FRY: variants seen among roughly 807,000 people sequenced by gnomAD.
The protein encoded by FRY is FRY microtubule binding protein, also known as protein furry homolog.
Under a neutral mutation model 348.4 loss-of-function variants are expected in FRY, and 128 were observed. The ratio of observed to expected loss-of-function variants is 0.37; its 90% CI spans 0.32 to 0.43. The LOEUF is 0.43. FRY is among the 20% of genes least tolerant of loss of function. FRY has a pLI of 1.00. For synonymous variants in FRY, 1,370 were observed against 1,374.7 expected (o/e 1.00, Z 0.08); for missense variants, 2,736 against 3,695.2 (o/e 0.74, Z 6.73).
intron 33 of FRY, 92 bp downstream of exon 33, chr13:32,209,823 A>C (rs1271950743): frequency 7.8e-7 from 1 of 1,274,780 alleles, no homozygotes; most frequent in Non-Finnish European, 1.1e-6. Context: ...GCTCCAGCTA[A>C]AATAGAAATG....
intron 1 of FRY, among the ~76,000 whole-genome samples, chr13:32,078,507 C>CTG (rs1415275568): frequency 5.3e-5 from 8 of 152,262 alleles, no homozygotes; most frequent in African/African-American, 1.4e-4. Flanking sequence ...CTAAATGGGA[C>CTG]TGCTGTTTCC....
At position 32,237,796 on chromosome 13, in the gene FRY, C is replaced by A. The variant is rs753034597; in HGVS notation, c.6228C>A (p.Leu2076=). Residue 2076 remains leucine, a synonymous_variant, in exon 44 of 61, where the codon CTC becomes CTA. Coordinates refer to ENST00000542859, the MANE Select transcript of FRY (RefSeq NM_023037.3). The surrounding 1 kb of genome is among the most constrained non-coding windows in gnomAD (Gnocchi z 6.3). ...GCAGACTACTGGCACATATGCCACT[C>A]GATAAGGCTGAGAACCGAGAAAAGC... is the stretch of plus-strand genomic sequence containing the variant. The part of the protein sequence containing the change: ...LLSRLLAHMP[L]DKAENREKLE... 5.6e-6 allele frequency: 9 copies of A among 1,614,142 alleles called. No homozygotes were observed. In the South Asian group the frequency reaches 8.8e-5, roughly 16 times the overall value.
chr13:32,099,630 T>C (rs1877017481), intron 2 of FRY, among the ~76,000 whole-genome samples: 2 of 152,088 alleles, frequency 1.3e-5, no homozygotes, highest in South Asian at 4.1e-4. Flanking sequence ...TTACTTACAA[T>C]AGATACTTCA....
intron 47 of FRY, among the ~76,000 whole-genome samples, chr13:32,246,365 T>C (rs1188390755): frequency 6.6e-6 from 1 of 152,240 alleles, no homozygotes; most frequent in East Asian, 1.9e-4. Context: ...GATTGGAGGT[T>C]GTCAGAGAAA....
intron 36 of FRY, among the ~76,000 whole-genome samples, chr13:32,220,129 A>C (rs1885240086): frequency 6.6e-6 from 1 of 152,218 alleles, no homozygotes; most frequent in Admixed American, 6.5e-5. Flanking sequence ...CAGAAATTGT[A>C]AATATACTGA....
At chr13:32,122,162 G>A (rs1593637084) in intron 4 of FRY, among the ~76,000 whole-genome samples, 1 of 152,136 alleles carries the variant, frequency 6.6e-6, no homozygotes, top group South Asian at 2.1e-4. Context: ...GCATTAGACA[G>A]GCCGGGCGCA....
At chr13:32,114,073 C>T (rs758419616) in intron 3 of FRY, among the ~76,000 whole-genome samples, 5 of 152,180 alleles carry the variant, frequency 3.3e-5, no homozygotes, top group Non-Finnish European at 5.9e-5. Flanking sequence ...GTTCCACATA[C>T]ATGAGGTAGC....
intron 58 of FRY, among the ~76,000 whole-genome samples, chr13:32,282,594 A>G (rs1888863360): frequency 6.6e-6 from 1 of 152,186 alleles, no homozygotes; most frequent in Non-Finnish European, 1.5e-5. Context: ...TGCCAGTAGA[A>G]AATTCCTAAT....
chr13:32,069,739 G>T (rs1347808613), intron 1 of FRY, among the ~76,000 whole-genome samples: 2 of 152,150 alleles, frequency 1.3e-5, no homozygotes, highest in Non-Finnish European at 2.9e-5. Flanking sequence ...TATACTTTAA[G>T]TTCTAGGGTA....
intron 24 of FRY, 97 bp downstream of exon 24, chr13:32,183,131 CT>C (rs895205442): frequency 5.8e-6 from 4 of 689,758 alleles, no homozygotes; most frequent in African/African-American, 1.8e-5. Flanking sequence ...ATACAAACCC[CT>C]AACACCTTTT....
intron 16 of FRY, among the ~76,000 whole-genome samples, chr13:32,158,665 C>A (rs1881255056): frequency 6.6e-6 from 1 of 152,100 alleles, no homozygotes; most frequent in Admixed American, 6.5e-5. Context: ...CACCTGTAAT[C>A]CCAGCACTTT....
rs750088223 is a variant in FRY, at chr13:32,089,579, G to A, written c.270+10546G>A. ...GGAGTTTGAGACCAGCCTGTGCAACGTGGTGAGACCCCCCATCTCTATCTA... is the reference window on the plus strand; with the variant it reads ...GGAGTTTGAGACCAGCCTGTGCAACATGGTGAGACCCCCCATCTCTATCTA... On this transcript the variant is annotated intron_variant, in intron 2 of 60. Coordinates refer to ENST00000542859, the MANE Select transcript of FRY (RefSeq NM_023037.3). 3.9e-4 allele frequency among the ~76,000 whole-genome samples: 59 copies of A among 151,948 alleles called. 2 individuals carry two copies. Among genetic ancestry groups the A allele is most frequent in the Non-Finnish European group, 1.5e-4 (10 of 67,982 alleles).
chr13:32,166,939 A>G (rs1881774431), intron 17 of FRY, among the ~76,000 whole-genome samples: 1 of 152,094 alleles, frequency 6.6e-6, no homozygotes, highest in Admixed American at 6.6e-5. Flanking sequence ...GCATGTAAAC[A>G]CTGTCATTTT....
intron 51 of FRY, 170 bp from the exon 52 acceptor site, chr13:32,261,446 C>T: frequency 2.6e-6 from 2 of 769,456 alleles, no homozygotes; most frequent in South Asian, 2.7e-5. Flanking sequence ...AAATAGTGTG[C>T]TTTTACTACT....
chr13:32,225,341 A>G (rs770909325), intron 38 of FRY, among the ~76,000 whole-genome samples: 5 of 152,228 alleles, frequency 3.3e-5, no homozygotes, highest in African/African-American at 7.2e-5. Flanking sequence ...ATTTTAAGCT[A>G]TGAGGCATAG....
At chr13:32,069,331 A>C (rs543558181) in intron 1 of FRY, among the ~76,000 whole-genome samples, 5 of 152,198 alleles carry the variant, frequency 3.3e-5, no homozygotes, top group Non-Finnish European at 7.3e-5. Context: ...TCATGGCCTA[A>C]GGATATATTA....
chr13:32,249,526 A>G lies in FRY; in HGVS notation c.7009A>G (p.Thr2337Ala). 1.9e-6 allele frequency: 3 copies of G among 1,614,034 alleles called. No individual in the cohort carries two copies. Among genetic ancestry groups the G allele is most frequent in the Non-Finnish European group, 2.5e-6 (3 of 1,180,002 alleles). The change falls in exon 49 of 61, where the codon ACT becomes GCT. Residue 2337 changes from threonine (T) to alanine (A), a missense_variant and splice_region_variant. Thr to Ala is a moderately conservative substitution (Grantham distance 58). Coordinates refer to ENST00000542859, the MANE Select transcript of FRY (RefSeq NM_023037.3). ...TLDFHFDISE[T>A]PIIGRRYDEL... Reference sequence around the variant, plus strand: ...AATGTGCGTTTGTCTTCTTCTCAAGACTCCAATCATCGGGAGGCGGTATGA... The same window carrying G: ...AATGTGCGTTTGTCTTCTTCTCAAGGCTCCAATCATCGGGAGGCGGTATGA...
At chr13:32,179,092 T>A in intron 22 of FRY, 59 bp downstream of exon 22, 1 of 1,381,360 alleles carries the variant, frequency 7.2e-7, no homozygotes, top group Non-Finnish European at 1.0e-6. Context: ...CTTGTTTGTC[T>A]AGAGTTCACA....
chr13:32,135,280 T>C (rs1879638378), intron 10 of FRY, 97 bp downstream of exon 10: 4 of 778,454 alleles, frequency 5.1e-6, no homozygotes, highest in Non-Finnish European at 9.0e-6. Context: ...ACTCCACAGA[T>C]AGGAAAAGTA....
Sources: allele counts gnomAD v4.1 joint callset (sites outside exome capture counted in the v4.1 genomes callset), GRCh38; gene constraint gnomAD v4.1.1; non-coding constraint Gnocchi (gnomAD v3.1); transcripts MANE v1.5; gene names NCBI Gene and HGNC (gene_info 2026-07-23, HGNC 2026-07-21).